NPIPB2: variants seen among roughly 807,000 people sequenced by gnomAD.
NPIPB2 encodes nuclear pore complex interacting protein family member B2.
A neutral mutation model predicts 30.8 loss-of-function variants in NPIPB2; 27 were observed. That is an observed-to-expected ratio of 0.88 (90% CI 0.65 to 1.21). The LOEUF is 1.21. Among genes scored for constraint, NPIPB2 ranks in the 50% most tolerant of loss-of-function variants. NPIPB2 has a pLI of 0.00. For missense variants in NPIPB2, 440 were observed against 446.2 expected, an observed-to-expected ratio of 0.99 and a Z score of 0.13; for synonymous variants, 147 against 162.0, an observed-to-expected ratio of 0.91 and a Z score of 0.70.
intron 1 of NPIPB2, chr16:11,965,581 C>G: frequency 1.0e-6 from 1 of 976,174 alleles, no homozygotes. Context: ...AGAAAGGAAG[C>G]AAGGCAGTGA....
intron 1 of NPIPB2, among the ~76,000 whole-genome samples, chr16:11,954,921 T>A (rs1476547879): frequency 3.9e-5 from 5 of 128,316 alleles, no homozygotes; most frequent in South Asian, 2.5e-4. Context: ...AAAAAAAAAA[T>A]ACTTTTTGCT....
chr16:11,972,788 C>T (rs543532536), intron 1 of NPIPB2, among the ~76,000 whole-genome samples: 4 of 148,064 alleles, frequency 2.7e-5, no homozygotes, highest in Non-Finnish European at 5.9e-5. Context: ...TGCTTGAACT[C>T]AGGAGATGGA....
intron 1 of NPIPB2, chr16:11,965,464 A>T: frequency 6.2e-7 from 1 of 1,613,490 alleles, no homozygotes; most frequent in Non-Finnish European, 8.5e-7. Flanking sequence ...AGTAAGTAAT[A>T]TTGCTTGAAC....
exon 8 of NPIPB2, chr16:11,927,420 T>C (rs1244336821): frequency 8.8e-7 from 1 of 1,131,334 alleles, no homozygotes; most frequent in South Asian, 1.3e-5. Context: ...AACCTCCGCC[T>C]CTTGGGCTCG....
chr16:11,933,801 A>G, intron 3 of NPIPB2, 24 bp downstream of exon 3: 4 of 1,591,474 alleles, frequency 2.5e-6, no homozygotes, highest in South Asian at 2.2e-5. Context: ...TTTCCACACT[A>G]TGGGGACTCC....
intron 1 of NPIPB2, among the ~76,000 whole-genome samples, chr16:11,962,332 C>G (rs890344429): frequency 6.6e-5 from 10 of 151,216 alleles, no homozygotes; most frequent in Admixed American, 4.0e-4. Context: ...AACCCTGTCT[C>G]TACTAAAAAT....
intron 1 of NPIPB2, among the ~76,000 whole-genome samples, chr16:11,963,153 G>A (rs1181328626): frequency 6.6e-6 from 1 of 152,170 alleles, no homozygotes; most frequent in Non-Finnish European, 1.5e-5. Flanking sequence ...GCCAAGGCCG[G>A]TGGGTCACCT....
upstream of NPIPB2, among the ~76,000 whole-genome samples, chr16:11,945,489 G>A (rs8059525): frequency 0.31 from 47,483 of 151,802 alleles, 9,161 homozygotes; most frequent in Non-Finnish European, 0.45. Flanking sequence ...GGCTGACCAC[G>A]AAGGTAAAAC....
chr16:11,966,197 G>A, intron 1 of NPIPB2: 1 of 1,612,010 alleles, frequency 6.2e-7, no homozygotes, highest in Non-Finnish European at 8.5e-7. Context: ...TCATAAAGGT[G>A]TGACCAATTC....
intron 1 of NPIPB2, among the ~76,000 whole-genome samples, chr16:11,954,130 T>C (rs1043589929): frequency 2.6e-5 from 4 of 152,174 alleles, no homozygotes; most frequent in African/African-American, 9.6e-5. Flanking sequence ...CAGCTCTTTC[T>C]AGTAATCTGC....
At chr16:11,944,085 A>AC (rs2054975503), upstream of NPIPB2, among the ~76,000 whole-genome samples, 5 of 151,414 alleles carry the variant, frequency 3.3e-5, no homozygotes, top group Admixed American at 3.3e-4. Context: ...TCGGTACATT[A>AC]CCACAAATTT....
At chr16:11,932,602 C>G (rs1452601877) in intron 4 of NPIPB2, among the ~76,000 whole-genome samples, 1 of 146,268 alleles carries the variant, frequency 6.8e-6, no homozygotes, top group East Asian at 2.0e-4. Context: ...ATGGTGAAAC[C>G]CCGCCTCTAC....
At chr16:11,975,016 A>G (rs533423852) in intron 1 of NPIPB2, among the ~76,000 whole-genome samples, 2 of 151,468 alleles carry the variant, frequency 1.3e-5, no homozygotes, top group Non-Finnish European at 2.9e-5. Flanking sequence ...TGGAGGTTGC[A>G]GTGAGCCAAG....
At chr16:11,944,649 G>T (rs1048509313), upstream of NPIPB2, among the ~76,000 whole-genome samples, 10 of 137,362 alleles carry the variant, frequency 7.3e-5, no homozygotes, top group African/African-American at 2.7e-4. Context: ...TGTAATCCCA[G>T]CTACTTGGAA....
At chr16:11,962,399 G>A (rs1313581295) in intron 1 of NPIPB2, among the ~76,000 whole-genome samples, 1 of 151,626 alleles carries the variant, frequency 6.6e-6, no homozygotes, top group Admixed American at 6.6e-5. Context: ...ATGAGGTCAG[G>A]AGATCGAGAC....
At chr16:11,933,421 C>T (rs2054817560) in intron 4 of NPIPB2, 96 bp downstream of exon 4, 1 of 1,557,108 alleles carries the variant, frequency 6.4e-7, no homozygotes, top group African/African-American at 1.4e-5. Context: ...GAATTTGCCA[C>T]AAATATTGTA....
chr16:11,934,898 A>G, intron 2 of NPIPB2, among the ~76,000 whole-genome samples: 1 of 148,322 alleles, frequency 6.7e-6, no homozygotes, highest in Admixed American at 6.8e-5. Flanking sequence ...ACTTCACACA[A>G]CTGAACTGTA....
upstream of NPIPB2, among the ~76,000 whole-genome samples, chr16:11,945,665 G>A (rs944549044): frequency 1.3e-5 from 2 of 151,678 alleles, no homozygotes; most frequent in Admixed American, 6.6e-5. Flanking sequence ...GTGACAGAGT[G>A]AGACTCTGTC....
chr16:11,946,880 C>T (rs375595275), upstream of NPIPB2, among the ~76,000 whole-genome samples: 186 of 151,678 alleles, frequency 1.2e-3, no homozygotes, highest in African/African-American at 4.4e-3. Context: ...CCACCACACC[C>T]GGCTAATTTT....
Sources: allele counts gnomAD v4.1 joint callset (sites outside exome capture counted in the v4.1 genomes callset), GRCh38; gene constraint gnomAD v4.1.1; transcripts MANE v1.5; gene names NCBI Gene and HGNC (gene_info 2026-07-23, HGNC 2026-07-21).